Variants in SFI1 observed in about 807,000 individuals in gnomAD.
SFI1 encodes the protein protein SFI1 homolog.
Under a neutral mutation model 207.5 loss-of-function variants are expected in SFI1, and 195 were observed. That is an observed-to-expected ratio of 0.94 (90% CI 0.84 to 1.06). The LOEUF (loss-of-function observed/expected upper bound fraction) is 1.06. Ranked by LOEUF, SFI1 falls within the 50% of genes least tolerant of loss-of-function variation. SFI1 has a pLI of 0.00. For synonymous variants in SFI1, 630 were observed against 598.9 expected, an observed-to-expected ratio of 1.05 and a Z score of -0.76; for missense variants, 1,634 against 1,588.0, an observed-to-expected ratio of 1.03 and a Z score of -0.49.
intron 1 of SFI1, among the ~76,000 whole-genome samples, chr22:31,499,659 A>AT (rs1358173176): frequency 1.3e-5 from 2 of 152,200 alleles, no homozygotes; most frequent in Non-Finnish European, 2.9e-5. Flanking sequence ...ATTACATGCT[A>AT]TAGAGAAATC....
chr22:31,600,536 G>A (rs2067932801), intron 15 of SFI1, among the ~76,000 whole-genome samples: 1 of 152,170 alleles, frequency 6.6e-6, no homozygotes, highest in African/African-American at 2.4e-5. Flanking sequence ...GCCCTCATCT[G>A]AGGACCTGGG....
At chr22:31,503,998 T>C (rs2054241782) in intron 1 of SFI1, among the ~76,000 whole-genome samples, 1 of 152,162 alleles carries the variant, frequency 6.6e-6, no homozygotes, top group Non-Finnish European at 1.5e-5. Flanking sequence ...TTTTCCAGTA[T>C]ATGTGTATTT....
At chr22:31,615,403 T>C in intron 29 of SFI1, 124 bp downstream of exon 29, 1 of 907,108 alleles carries the variant, frequency 1.1e-6, no homozygotes, top group East Asian at 2.9e-5. Flanking sequence ...CACTCATCCA[T>C]TTGACAAGCA....
At chr22:31,575,413 G>A (rs1167054240) in intron 10 of SFI1, 21 bp downstream of exon 10, 2 of 1,565,738 alleles carry the variant, frequency 1.3e-6, no homozygotes, top group Non-Finnish European at 1.7e-6. Flanking sequence ...AGATACTCAG[G>A]CTGTCCATTG....
At chr22:31,615,433 A>T in intron 29 of SFI1, 154 bp downstream of exon 29, 1 of 621,186 alleles carries the variant, frequency 1.6e-6, no homozygotes, top group Non-Finnish European at 2.5e-6. Flanking sequence ...ACTGCACACC[A>T]GGTCCAAGGG....
At chr22:31,611,345 G>A in intron 23 of SFI1, 42 bp downstream of exon 23, 1 of 1,551,964 alleles carries the variant, frequency 6.4e-7, no homozygotes, top group Non-Finnish European at 8.7e-7. Flanking sequence ...TGCCTGCCTG[G>A]CAAGGGGTGT....
At chr22:31,518,380 T>A (rs1269821512) in intron 2 of SFI1, among the ~76,000 whole-genome samples, 1 of 152,198 alleles carries the variant, frequency 6.6e-6, no homozygotes, top group African/African-American at 2.4e-5. Context: ...GAGTTCTCCA[T>A]TTTGCCTATA....
In SFI1 at chr22:31,616,584, A is replaced by G. The variant is rs987251314; in HGVS notation, c.3301-161A>G. The G allele has an allele frequency of 8.4e-6, 6 of 714,428 alleles. No homozygotes were observed. In the African/African-American group the frequency reaches 1.1e-4, roughly 13 times the overall value. 44.3% of individuals were successfully genotyped at this position (714,428 alleles called of 1,614,324 possible). On this transcript the variant is annotated intron_variant, in intron 29 of 32. Coordinates refer to ENST00000400288, the MANE Select transcript of SFI1 (RefSeq NM_001007467.3). ...CCCTGTGTGCAGGGGCAGGCTAGAC[A>G]CTGAGCTGGCACGGCCAGTGCCTGG...
intron 18 of SFI1, 101 bp downstream of exon 18, chr22:31,603,920 T>A (rs985602660): frequency 6.9e-5 from 75 of 1,092,890 alleles, no homozygotes; most frequent in Admixed American, 3.0e-5. Context: ...ACCACCTACC[T>A]CTGAGCTGAA....
At chr22:31,578,275 C>A in intron 10 of SFI1, 107 bp from the exon 11 acceptor site, 1 of 1,052,460 alleles carries the variant, frequency 9.5e-7, no homozygotes, top group Non-Finnish European at 1.3e-6. Context: ...GCCCACCTGG[C>A]ACGTGTGTTA....
At chr22:31,585,215 C>T in intron 14 of SFI1, 81 bp downstream of exon 14, 1 of 1,239,772 alleles carries the variant, frequency 8.1e-7, no homozygotes, top group Admixed American at 1.9e-5. Flanking sequence ...TTGGAAAAGA[C>T]CTATGCCAAG....
chr22:31,510,742 T>C (rs1209045202), intron 2 of SFI1, among the ~76,000 whole-genome samples: 1 of 152,216 alleles, frequency 6.6e-6, no homozygotes, highest in Non-Finnish European at 1.5e-5. Context: ...CTGTGTTTCT[T>C]CCTGAGTTAA....
intron 4 of SFI1, among the ~76,000 whole-genome samples, chr22:31,540,435 C>T (rs917891813): frequency 5.3e-5 from 8 of 152,134 alleles, no homozygotes; most frequent in African/African-American, 1.9e-4. Flanking sequence ...GTGCCCACCA[C>T]CATGCCTGGC....
At chr22:31,558,602 C>G (rs376516271) in intron 7 of SFI1, among the ~76,000 whole-genome samples, 2 of 151,370 alleles carry the variant, frequency 1.3e-5, no homozygotes, top group African/African-American at 4.9e-5. Flanking sequence ...CTTGGCCTCT[C>G]GAGTAGCTGG....
At chr22:31,591,569 C>T (rs1369900492) in intron 15 of SFI1, among the ~76,000 whole-genome samples, 2 of 139,894 alleles carry the variant, frequency 1.4e-5, no homozygotes, top group African/African-American at 2.8e-5. Context: ...CCTCACCTCC[C>T]GGACGGGGCG....
intron 31 of SFI1, 104 bp from the exon 32 acceptor site, chr22:31,618,011 C>T (rs1239449880): frequency 8.6e-5 from 113 of 1,312,416 alleles, no homozygotes; most frequent in Non-Finnish European, 1.1e-4. Flanking sequence ...CACCTCTCTC[C>T]ACCCGATACC....
At chr22:31,505,477 A>G (rs977903106) in intron 1 of SFI1, among the ~76,000 whole-genome samples, 2 of 151,534 alleles carry the variant, frequency 1.3e-5, no homozygotes, top group Non-Finnish European at 2.9e-5. Context: ...AAAACTAGGC[A>G]AGGTGCAGTG....
At chr22:31,584,933 C>T (rs966186304) in intron 13 of SFI1, 135 bp from the exon 14 acceptor site, 13 of 523,808 alleles carry the variant, frequency 2.5e-5, no homozygotes, top group Admixed American at 3.7e-5. Flanking sequence ...TTCTTATTGC[C>T]GTCTCTCCTA....
intron 9 of SFI1, among the ~76,000 whole-genome samples, chr22:31,574,936 G>A (rs1459315677): frequency 6.6e-6 from 1 of 151,892 alleles, no homozygotes; most frequent in African/African-American, 2.4e-5. Flanking sequence ...GCACATGCCT[G>A]TAATTCTAGC....
Sources: allele counts gnomAD v4.1 joint callset (sites outside exome capture counted in the v4.1 genomes callset), GRCh38; gene constraint gnomAD v4.1.1; transcripts MANE v1.5; gene names NCBI Gene and HGNC (gene_info 2026-07-23, HGNC 2026-07-21).